GRID2: variants seen among roughly 807,000 people sequenced by gnomAD.
The protein encoded by GRID2 is glutamate receptor ionotropic, delta-2.
A neutral mutation model predicts 114.8 loss-of-function variants in GRID2; 33 were observed. That is an observed-to-expected ratio of 0.29 (90% CI 0.22 to 0.38). The LOEUF is 0.38. Ranked by LOEUF, GRID2 falls within the 10% of genes least tolerant of loss-of-function variation. The pLI is 1.00. For synonymous variants in GRID2, 505 were observed against 449.9 expected (o/e 1.12, Z -1.55); for missense variants, 1,184 against 1,257.7 (o/e 0.94, Z 0.89).
intron 2 of GRID2, among the ~76,000 whole-genome samples, chr4:92,968,986 TA>T: frequency 6.6e-6 from 1 of 151,888 alleles, no homozygotes; most frequent in African/African-American, 2.4e-5. Flanking sequence ...TGTTCAAAAA[TA>T]AGGCTGTATT....
At chr4:92,826,759 T>C (rs535413132) in intron 2 of GRID2, among the ~76,000 whole-genome samples, 131 of 152,248 alleles carry the variant, frequency 8.6e-4, no homozygotes, top group Middle Eastern at 3.4e-3. Context: ...CTTATATTGA[T>C]TTGCAAATCA....
At chr4:93,212,805 T>A (rs1214938117) in intron 5 of GRID2, among the ~76,000 whole-genome samples, 1 of 151,442 alleles carries the variant, frequency 6.6e-6, no homozygotes, top group East Asian at 1.9e-4. Context: ...AGAGTTTTAC[T>A]CTTGTCACCC....
chr4:93,464,087 A>G (rs1397794194), intron 11 of GRID2, among the ~76,000 whole-genome samples: 1 of 152,186 alleles, frequency 6.6e-6, no homozygotes, highest in Non-Finnish European at 1.5e-5. Context: ...CCATATTACA[A>G]TTTTTTCAGC....
chr4:93,643,681 C>A (rs1721824313), intron 14 of GRID2, among the ~76,000 whole-genome samples: 2 of 58,476 alleles, frequency 3.4e-5, no homozygotes, highest in Non-Finnish European at 6.2e-5. Flanking sequence ...CTCAGATCTC[C>A]AGCTGCTTGC....
intron 1 of GRID2, among the ~76,000 whole-genome samples, chr4:92,432,345 C>T (rs1016050035): frequency 1.4e-4 from 21 of 152,132 alleles, no homozygotes; most frequent in African/African-American, 3.9e-4. Flanking sequence ...GGAGTTCCAG[C>T]TGGCCCAGGG....
At chr4:93,233,235 G>A (rs1468526037) in intron 7 of GRID2, among the ~76,000 whole-genome samples, 1 of 151,982 alleles carries the variant, frequency 6.6e-6, no homozygotes, top group Non-Finnish European at 1.5e-5. Flanking sequence ...TTAGCTAAAA[G>A]GGGGAAAGAC....
intron 9 of GRID2, among the ~76,000 whole-genome samples, chr4:93,405,767 C>T (rs1053240487): frequency 4.6e-5 from 7 of 152,098 alleles, no homozygotes; most frequent in Non-Finnish European, 8.8e-5. Flanking sequence ...GTCCTTGAAG[C>T]TTTAAGTCAT....
At chr4:92,640,413 A>G (rs949698725) in intron 2 of GRID2, among the ~76,000 whole-genome samples, 1 of 151,858 alleles carries the variant, frequency 6.6e-6, no homozygotes, top group Non-Finnish European at 1.5e-5. Context: ...TGTTCCACTG[A>G]GCAAACTATT....
intron 2 of GRID2, among the ~76,000 whole-genome samples, chr4:92,791,331 A>G (rs182196386): frequency 3.0e-4 from 46 of 151,888 alleles, no homozygotes; most frequent in African/African-American, 9.9e-4. Context: ...TCCTACCTAC[A>G]GAATAAGGAA....
intron 1 of GRID2, among the ~76,000 whole-genome samples, chr4:92,338,078 G>T (rs1376995987): frequency 6.6e-6 from 1 of 152,124 alleles, no homozygotes; most frequent in Admixed American, 6.6e-5. Flanking sequence ...CTGCATGGAA[G>T]AGATTTTTCT....
rs564762136 is a variant in GRID2 at position 93,351,007 on chromosome 4, G to A, written c.1246-44600G>A. ...GGCAGGCAAGAGAGTGTGTGCAGGG[G>A]AACTCCCATTTATAAAACCATCAGA... On this transcript the variant is annotated intron_variant, in intron 8 of 15. Coordinates refer to ENST00000282020, the MANE Select transcript of GRID2 (RefSeq NM_001510.4). Among the ~76,000 whole-genome samples the A allele has an allele frequency of 6.2e-4, 95 of 152,034 alleles. No individual in the cohort carries two copies. The Middle Eastern group carries it at 0.02, about 33-fold the overall frequency.
rs565099075 is a variant in GRID2 at position 93,014,770 on chromosome 4, T to A, written c.245-70225T>A. Among the ~76,000 whole-genome samples the A allele has an allele frequency of 1.4e-3, 212 of 152,276 alleles. 1 individual carries two copies. Among genetic ancestry groups the A allele is most frequent in the African/African-American group, 5.0e-3 (209 of 41,570 alleles). On this transcript the variant is annotated intron_variant, in intron 2 of 15. Transcript: ENST00000282020. ...CACTTGGAATTTTAATATGTTAATA[T>A]GCACTGCGATACACACACGTGCATT...
At chr4:92,442,058 A>G (rs1240674853) in intron 1 of GRID2, among the ~76,000 whole-genome samples, 5 of 151,364 alleles carry the variant, frequency 3.3e-5, no homozygotes, top group African/African-American at 1.2e-4. Context: ...CAATACCCAC[A>G]ACAGTTATGG....
chr4:93,016,174 GTAA>G (rs1722690722), intron 2 of GRID2, among the ~76,000 whole-genome samples: 1 of 151,852 alleles, frequency 6.6e-6, no homozygotes, highest in African/African-American at 2.4e-5. Flanking sequence ...AAGAAAAAAG[GTAA>G]TAATACTAAA....
chr4:92,737,680 A>G (rs180849373), intron 2 of GRID2, among the ~76,000 whole-genome samples: 313 of 152,276 alleles, frequency 2.1e-3, no homozygotes, highest in African/African-American at 7.2e-3. Flanking sequence ...ATGTTGAATT[A>G]TATATGCCAA....
At chr4:92,408,886 T>G (rs1731160939) in intron 1 of GRID2, among the ~76,000 whole-genome samples, 1 of 152,122 alleles carries the variant, frequency 6.6e-6, no homozygotes, top group African/African-American at 2.4e-5. Flanking sequence ...CTTTGGGGTT[T>G]TGTAGATATA....
intron 6 of GRID2, 162 bp downstream of exon 6, chr4:93,217,073 G>C (rs745866224): frequency 2.5e-5 from 12 of 476,762 alleles, no homozygotes; most frequent in Admixed American, 7.1e-5. Flanking sequence ...CTAAGAATTT[G>C]CGTCTTTGTT....
chr4:93,248,733 G>A (rs1356386117), intron 8 of GRID2, among the ~76,000 whole-genome samples: 1 of 152,022 alleles, frequency 6.6e-6, no homozygotes, highest in East Asian at 1.9e-4. Flanking sequence ...CATTTATTTG[G>A]CAGGGGGGTG....
At chr4:93,563,418 C>T (rs1015513805) in intron 13 of GRID2, among the ~76,000 whole-genome samples, 6 of 151,834 alleles carry the variant, frequency 4.0e-5, no homozygotes, top group African/African-American at 1.4e-4. Context: ...TGAGTTGTGA[C>T]TATTGTCTTT....
Sources: allele counts gnomAD v4.1 joint callset (sites outside exome capture counted in the v4.1 genomes callset), GRCh38; gene constraint gnomAD v4.1.1; transcripts MANE v1.5; gene names NCBI Gene and HGNC (gene_info 2026-07-23, HGNC 2026-07-21).